The following SDK1 variants were observed in gnomAD, a reference collection of about 807,000 sequenced individuals.
SDK1 encodes sidekick cell adhesion molecule 1, also known as protein sidekick-1.
SDK1 carries 157 observed loss-of-function variants against 245.5 expected under a neutral mutation model. That is an observed-to-expected ratio of 0.64 (90% CI 0.56 to 0.73). The LOEUF is 0.73. SDK1 is among the 30% of genes least tolerant of loss of function. The pLI is 0.00. For missense variants in SDK1, 3,583 were observed against 3,002.3 expected, an observed-to-expected ratio of 1.19 and a Z score of -4.52; for synonymous variants, 1,647 against 1,278.5, an observed-to-expected ratio of 1.29 and a Z score of -6.15.
At position 3,496,303 on chromosome 7, in the gene SDK1, T is replaced by C. The variant is rs542534604; in HGVS notation, c.299-122777T>C. ...CATGTGTATGTTTTAGCTGCTGTTATTATCATTAGTTTCAATTCCCTGGCA... is the reference window on the plus strand; with the variant it reads ...CATGTGTATGTTTTAGCTGCTGTTACTATCATTAGTTTCAATTCCCTGGCA... On this transcript the variant is annotated intron_variant, in intron 1 of 44. Transcript: ENST00000404826. 1.9e-4 allele frequency among the ~76,000 whole-genome samples: 29 copies of C among 152,312 alleles called. No individual in the cohort carries two copies. The South Asian group carries it at 5.4e-3, about 28-fold the overall frequency.
chr7:3,786,194 G>A (rs1013393902), intron 4 of SDK1, among the ~76,000 whole-genome samples: 6 of 152,108 alleles, frequency 3.9e-5, no homozygotes, highest in African/African-American at 1.4e-4. Flanking sequence ...CTTGTCAAAA[G>A]CATTTATGTA....
intron 5 of SDK1, among the ~76,000 whole-genome samples, chr7:3,904,236 C>G (rs1324091721): frequency 6.6e-6 from 1 of 152,080 alleles, no homozygotes; most frequent in African/African-American, 2.4e-5. Flanking sequence ...GCAAAATACA[C>G]AAATCTATAG....
intron 1 of SDK1, among the ~76,000 whole-genome samples, chr7:3,465,356 C>A (rs556246938): frequency 6.6e-6 from 1 of 152,024 alleles, no homozygotes; most frequent in African/African-American, 2.4e-5. Context: ...AATACTTAAA[C>A]CAAAAATAAA....
rs74624639 is a variant in SDK1, at chr7:3,517,507, C to G, written c.299-101573C>G. ...TGGCAATACTCAACACTTTTGCTTG[C>G]TTCCTGCAGGAATGTATTGACCTGT... On this transcript the variant is annotated intron_variant, in intron 1 of 44. Transcript: ENST00000404826. Among the ~76,000 whole-genome samples, 578 of 152,252 alleles carry G rather than the reference C, an allele frequency of 3.8e-3. 5 individuals are homozygous for G. Among genetic ancestry groups the G allele is most frequent in the African/African-American group, 0.013 (550 of 41,538 alleles).
In SDK1 at chr7:3,974,359, TG is replaced by T. The variant is rs1322907219; in HGVS notation, c.1818-8del. 1 of 1,607,394 alleles carries T rather than the reference TG, an allele frequency of 6.2e-7. No individual in the cohort carries two copies. The highest frequency in any genetic ancestry group is 8.5e-7 in the Non-Finnish European group (1 of 1,174,626). ...GGTTTGTAACTCAAGACCCTTTGCT[TG>T]GCCCACAGCTACGTTTGGAAGAAGG... On this transcript the variant is annotated splice_polypyrimidine_tract_variant and intron_variant, in intron 12 of 44. Transcript: ENST00000404826.
intron 4 of SDK1, among the ~76,000 whole-genome samples, chr7:3,650,075 G>A (rs1292339298): frequency 6.6e-6 from 1 of 151,754 alleles, no homozygotes; most frequent in African/African-American, 2.4e-5. Flanking sequence ...ATAGAGATAG[G>A]GTCTCACTTT....
intron 17 of SDK1, among the ~76,000 whole-genome samples, chr7:4,033,556 C>A (rs1391960262): frequency 2.0e-5 from 3 of 152,032 alleles, no homozygotes; most frequent in Non-Finnish European, 2.9e-5. Flanking sequence ...TGGGGGAAAT[C>A]TTTGCAGTTT....
intron 1 of SDK1, among the ~76,000 whole-genome samples, chr7:3,333,993 G>A (rs1206133779): frequency 1.3e-5 from 2 of 152,188 alleles, no homozygotes; most frequent in African/African-American, 4.8e-5. Context: ...CTGTCCACAA[G>A]AGTAAAGTGG....
intron 4 of SDK1, among the ~76,000 whole-genome samples, chr7:3,764,513 C>T (rs910635999): frequency 1.3e-5 from 2 of 152,066 alleles, no homozygotes; most frequent in African/African-American, 2.4e-5. Flanking sequence ...TGGTGAAATC[C>T]CGCCTCTACT....
intron 2 of SDK1, among the ~76,000 whole-genome samples, chr7:3,634,940 A>G (rs903563754): frequency 6.6e-6 from 1 of 152,258 alleles, no homozygotes; most frequent in South Asian, 2.1e-4. Context: ...AAAAAGTAGA[A>G]TGAGCAATCA....
intron 1 of SDK1, among the ~76,000 whole-genome samples, chr7:3,420,753 A>G (rs112056711): frequency 6.6e-6 from 1 of 152,206 alleles, no homozygotes; most frequent in Non-Finnish European, 1.5e-5. Flanking sequence ...AACATTTTTT[A>G]AAATTTAATT....
In SDK1 at chr7:4,132,409, A is replaced by G. The variant is rs778658832; in HGVS notation, c.4214A>G (p.Asn1405Ser). 2.5e-6 allele frequency: 4 copies of G among 1,611,174 alleles called. No individual in the cohort carries two copies. Among genetic ancestry groups the G allele is most frequent in the African/African-American group, 1.3e-5 (1 of 74,900 alleles). Residue 1405 changes from asparagine (N) to serine (S), a missense_variant, in exon 28 of 45, where the codon AAC (asparagine) becomes AGC (serine). Coordinates refer to ENST00000404826, the MANE Select transcript of SDK1 (RefSeq NM_152744.4). Reference protein sequence around the residue: ...RIVWQPPEEPNGIILGYQIAY... With the variant: ...RIVWQPPEEPSGIILGYQIAY... Reference sequence around the variant, plus strand: ...GTGTGGCAACCTCCGGAGGAGCCCAACGGCATCATCCTGGGTAAGGGAGCG... The same window carrying G: ...GTGTGGCAACCTCCGGAGGAGCCCAGCGGCATCATCCTGGGTAAGGGAGCG...
chr7:3,969,489 G>A, intron 11 of SDK1, 65 bp downstream of exon 11: 1 of 1,303,270 alleles, frequency 7.7e-7, no homozygotes, highest in South Asian at 2.1e-5. Context: ...GTCATCGTGT[G>A]CTTTGGGGAT....
intron 25 of SDK1, among the ~76,000 whole-genome samples, chr7:4,118,658 C>G (rs977755085): frequency 6.7e-6 from 1 of 149,648 alleles, no homozygotes; most frequent in Non-Finnish European, 1.5e-5. Context: ...CCATAGTAGC[C>G]GAAAAGTGGA....
intron 35 of SDK1, among the ~76,000 whole-genome samples, chr7:4,203,004 G>A (rs952097242): frequency 3.0e-4 from 46 of 152,302 alleles, no homozygotes; most frequent in African/African-American, 1.1e-3. Context: ...TTTTGATCCA[G>A]CTGAAGCTCG....
chr7:3,582,682 G>GT (rs1491115411), intron 1 of SDK1, among the ~76,000 whole-genome samples: 6 of 13,570 alleles, frequency 4.4e-4, no homozygotes, highest in East Asian at 3.3e-3. Flanking sequence ...CTAAACTAAA[G>GT]TAAAAAAAAA....
chr7:3,962,413 G>A (rs1367791858), intron 8 of SDK1, among the ~76,000 whole-genome samples: 1 of 152,174 alleles, frequency 6.6e-6, no homozygotes, highest in African/African-American at 2.4e-5. Context: ...GGTTCGGAGT[G>A]GAGCCTGGAA....
chr7:3,306,971 C>A (rs931881611), intron 1 of SDK1, among the ~76,000 whole-genome samples: 2 of 152,124 alleles, frequency 1.3e-5, no homozygotes, highest in Non-Finnish European at 2.9e-5. Flanking sequence ...GAGTAGACCT[C>A]CAGGTCCAAA....
At chr7:3,729,226 G>A (rs1779103209) in intron 4 of SDK1, among the ~76,000 whole-genome samples, 1 of 152,176 alleles carries the variant, frequency 6.6e-6, no homozygotes, top group African/African-American at 2.4e-5. Flanking sequence ...ATTTTGTTTT[G>A]CATTTGCAGG....
Sources: gnomAD v4.1 joint callset for allele counts (sites outside exome capture counted in the v4.1 genomes callset) on GRCh38, gnomAD v4.1.1 for gene constraint, MANE v1.5 for transcripts, NCBI Gene and HGNC (gene_info 2026-07-23, HGNC 2026-07-21) for gene names.